Variants in SNX29 observed in about 807,000 individuals in gnomAD.
SNX29 encodes the protein sorting nexin-29.
In SNX29, 78 loss-of-function variants were observed where a neutral mutation model predicts 102.1. The observed-to-expected ratio is 0.76, with a 90% confidence interval of 0.64 to 0.92. The LOEUF (loss-of-function observed/expected upper bound fraction) is 0.92, where lower values mean the gene tolerates loss of function less well. SNX29 is among the 40% of genes least tolerant of loss of function. The pLI is 0.00. For synonymous variants in SNX29, 580 were observed against 414.5 expected (o/e 1.40, Z -4.85); for missense variants, 1,280 against 1,061.7 (o/e 1.21, Z -2.86).
intron 18 of SNX29, among the ~76,000 whole-genome samples, chr16:12,473,466 C>A (rs1388764212): frequency 2.6e-5 from 4 of 152,144 alleles, no homozygotes; most frequent in Non-Finnish European, 5.9e-5. Flanking sequence ...TCCCAGCTAC[C>A]CACATTGCTG....
At chr16:12,090,398 T>TG (rs1332093914) in intron 11 of SNX29, 1 of 152,104 alleles carries the variant, frequency 6.6e-6, no homozygotes, top group Non-Finnish European at 1.5e-5. Flanking sequence ...TGGGAGGGAA[T>TG]GGGGGTAAAT....
chr16:12,164,634 T>C (rs1461142424), intron 13 of SNX29, among the ~76,000 whole-genome samples: 2 of 152,094 alleles, frequency 1.3e-5, no homozygotes, highest in Non-Finnish European at 2.9e-5. Context: ...TCATGGGATT[T>C]TCTTACTTTG....
chr16:12,114,278 C>G (rs959411267), intron 11 of SNX29, among the ~76,000 whole-genome samples: 3 of 152,212 alleles, frequency 2.0e-5, no homozygotes, highest in Non-Finnish European at 4.4e-5. Context: ...GTCCCTGGAT[C>G]CCAGGGTTGG....
At chr16:12,235,203 C>A (rs2077889917) in intron 14 of SNX29, among the ~76,000 whole-genome samples, 1 of 152,102 alleles carries the variant, frequency 6.6e-6, no homozygotes, top group South Asian at 2.1e-4. Flanking sequence ...TCTTTCCTTT[C>A]TCTCTCTGTC....
chr16:12,490,285 G>C (rs1039036841), intron 19 of SNX29, among the ~76,000 whole-genome samples: 1 of 152,168 alleles, frequency 6.6e-6, no homozygotes, highest in South Asian at 2.1e-4. Context: ...TGATACCATA[G>C]TGTGCTTTTG....
intron 14 of SNX29, among the ~76,000 whole-genome samples, chr16:12,218,996 G>A (rs1017274540): frequency 9.2e-5 from 14 of 152,116 alleles, no homozygotes; most frequent in African/African-American, 1.4e-4. Context: ...GGTTGGTCTC[G>A]ATCTCCTGAC....
At chr16:12,379,423 A>T (rs4781218) in intron 16 of SNX29, among the ~76,000 whole-genome samples, 3 of 152,038 alleles carry the variant, frequency 2.0e-5, no homozygotes, top group East Asian at 1.9e-4. Context: ...ATTCCCAGCC[A>T]TTTTCCTTTC....
At chr16:12,510,997 C>G (rs536427094) in intron 19 of SNX29, among the ~76,000 whole-genome samples, 1 of 151,974 alleles carries the variant, frequency 6.6e-6, no homozygotes, top group Non-Finnish European at 1.5e-5. Context: ...CACTCTGTCG[C>G]CCAGGCTGGA....
chr16:12,242,631 C>T (rs1216900136), intron 14 of SNX29, among the ~76,000 whole-genome samples: 2 of 147,440 alleles, frequency 1.4e-5, no homozygotes, highest in East Asian at 1.9e-4. Flanking sequence ...CTCTTCTTCT[C>T]TTCTTCTTTT....
At chr16:12,467,297 TAA>T (rs906281899) in intron 18 of SNX29, among the ~76,000 whole-genome samples, 13 of 152,324 alleles carry the variant, frequency 8.5e-5, no homozygotes, top group Admixed American at 8.5e-4. Context: ...TCCAGTAATC[TAA>T]AAGTGAGTGA....
chr16:12,031,858 G>T (rs1012177585), intron 4 of SNX29, among the ~76,000 whole-genome samples: 8 of 152,112 alleles, frequency 5.3e-5, no homozygotes, highest in African/African-American at 1.9e-4. Flanking sequence ...TATACATAAT[G>T]AAATTTACCA....
chr16:12,228,074 A>T (rs1190750935), intron 14 of SNX29, among the ~76,000 whole-genome samples: 1 of 152,144 alleles, frequency 6.6e-6, no homozygotes, highest in Non-Finnish European at 1.5e-5. Flanking sequence ...CCAGGAGTTC[A>T]AGACCAGACT....
intron 20 of SNX29, among the ~76,000 whole-genome samples, chr16:12,564,037 G>C (rs180796870): frequency 1.4e-5 from 2 of 147,330 alleles, no homozygotes; most frequent in Non-Finnish European, 1.5e-5. Context: ...GAGTTGCACC[G>C]GTAAAAGGTT....
intron 11 of SNX29, among the ~76,000 whole-genome samples, chr16:12,099,545 C>T (rs1487163582): frequency 1.3e-5 from 2 of 152,180 alleles, no homozygotes; most frequent in African/African-American, 2.4e-5. Flanking sequence ...TGTCTGAGGG[C>T]GGCTCTGCCC....
chr16:12,070,512 A>C (rs1421544675), intron 10 of SNX29, among the ~76,000 whole-genome samples: 1 of 151,446 alleles, frequency 6.6e-6, no homozygotes, highest in Non-Finnish European at 1.5e-5. Context: ...TGAACTCATC[A>C]TTTTTTATGG....
In SNX29 at chr16:12,227,123, T is replaced by G. The variant is rs548728454; in HGVS notation, c.1678+27440T>G. ...GTACAAGCCAGCATTGCTGTTGTCA[T>G]GCAGTGCATCTGGGGGTCTGGCGGA... is the stretch of plus-strand genomic sequence containing the variant. On this transcript the variant is annotated intron_variant, in intron 14 of 20. Coordinates refer to ENST00000566228, the MANE Select transcript of SNX29 (RefSeq NM_032167.5). Among the ~76,000 whole-genome samples, 38 of 138,496 alleles carry G rather than the reference T, an allele frequency of 2.7e-4. 1 individual carries two copies. Among genetic ancestry groups the G allele is most frequent in the African/African-American group, 1.0e-3 (38 of 36,350 alleles). The allele number at this position is 138,496 out of a possible 152,430, so 90.9% of individuals were successfully genotyped here.
At chr16:12,331,009 T>C (rs939160424) in intron 15 of SNX29, among the ~76,000 whole-genome samples, 1 of 152,262 alleles carries the variant, frequency 6.6e-6, no homozygotes. Flanking sequence ...ATTCAGTTTC[T>C]CATCTTCTTT....
At chr16:12,515,424 C>T (rs2089820065) in intron 19 of SNX29, 15 of 450,368 alleles carry the variant, frequency 3.3e-5, no homozygotes, top group South Asian at 2.2e-4. Flanking sequence ...TGAATGATTG[C>T]ACCCCATCCG....
intron 13 of SNX29, among the ~76,000 whole-genome samples, chr16:12,172,120 T>C (rs2141758533): frequency 6.6e-6 from 1 of 152,350 alleles, no homozygotes; most frequent in South Asian, 2.1e-4. Context: ...TTTTATAGAC[T>C]TAACAACATG....
Sources: gnomAD v4.1 joint callset for allele counts (sites outside exome capture counted in the v4.1 genomes callset) on GRCh38, gnomAD v4.1.1 for gene constraint, MANE v1.5 for transcripts, NCBI Gene and HGNC (gene_info 2026-07-23, HGNC 2026-07-21) for gene names.